The following PTPRE variants were observed in gnomAD, a reference collection of about 807,000 sequenced individuals.
The protein encoded by PTPRE is protein tyrosine phosphatase receptor type E.
Under a neutral mutation model 102.0 loss-of-function variants are expected in PTPRE, and 51 were observed. The ratio of observed to expected loss-of-function variants is 0.50; its 90% CI spans 0.40 to 0.63. The LOEUF is 0.63. PTPRE is among the 30% of genes least tolerant of loss of function. PTPRE has a pLI of 0.00. For missense variants in PTPRE, 752 were observed against 915.1 expected (o/e 0.82, Z 2.30); for synonymous variants, 345 against 348.2 (o/e 0.99, Z 0.10).
chr10:127,910,028 C>T (rs907567550), intron 1 of PTPRE, among the ~76,000 whole-genome samples: 10 of 152,166 alleles, frequency 6.6e-5, no homozygotes, highest in Middle Eastern at 3.2e-3. Context: ...GAAGCTGCCC[C>T]GTATTCCCTT....
intron 3 of PTPRE, among the ~76,000 whole-genome samples, chr10:128,042,267 C>T (rs540598406): frequency 9.8e-5 from 15 of 152,332 alleles, no homozygotes; most frequent in South Asian, 4.1e-4. Flanking sequence ...CATCCGTTTG[C>T]GCAACAGTGG....
intron 1 of PTPRE, among the ~76,000 whole-genome samples, chr10:127,978,085 T>C (rs1356377016): frequency 1.3e-5 from 2 of 152,168 alleles, no homozygotes; most frequent in African/African-American, 4.8e-5. Flanking sequence ...TAATGGAGCA[T>C]CCTCTAGGAC....
chr10:128,075,159 C>T (rs1278499085), intron 17 of PTPRE, among the ~76,000 whole-genome samples: 2 of 152,190 alleles, frequency 1.3e-5, no homozygotes, highest in African/African-American at 4.8e-5. Context: ...CATTCGTCAT[C>T]ATTATTTCAT....
intron 20 of PTPRE, 129 bp downstream of exon 20, chr10:128,079,824 C>T: frequency 3.2e-6 from 4 of 1,240,788 alleles, no homozygotes; most frequent in Non-Finnish European, 4.4e-6. Context: ...AGGAAAAGAG[C>T]CAGCTGCAAT....
chr10:128,024,842 C>T (rs1465236964), intron 2 of PTPRE, among the ~76,000 whole-genome samples: 1 of 152,136 alleles, frequency 6.6e-6, no homozygotes, highest in East Asian at 1.9e-4. Context: ...CACAGGTGTG[C>T]ACTTGGGGCT....
intron 1 of PTPRE, among the ~76,000 whole-genome samples, chr10:127,911,532 A>G (rs1845867437): frequency 6.6e-6 from 1 of 152,192 alleles, no homozygotes; most frequent in Non-Finnish European, 1.5e-5. Context: ...GCTGTGGCCT[A>G]CCCTAGAAAC....
In PTPRE at chr10:128,073,343, C is replaced by T. The variant is rs1449959795; in HGVS notation, c.1471C>T (p.Arg491Ter). The change falls in exon 17 of 21, where the codon CGA (arginine) becomes TGA (stop). Residue 491 changes from arginine to a stop codon, truncating the protein, a stop_gained. Transcript: ENST00000254667. LOFTEE classifies it high-confidence loss of function. The part of the protein sequence containing the change: ...YINASFIDGY[R>*]QKDYFIATQG... ...TCTGCGCCTCCATTTGAAGGGCTAC[C>T]GACAGAAGGACTATTTCATCGCCAC... 6 of 1,613,936 alleles carry T rather than the reference C, an allele frequency of 3.7e-6. No individual in the cohort carries two copies. The highest frequency in any genetic ancestry group is 3.3e-5 in the South Asian group (3 of 91,070).
chr10:128,009,345 C>T (rs1589991599), intron 2 of PTPRE, among the ~76,000 whole-genome samples: 3 of 152,208 alleles, frequency 2.0e-5, no homozygotes, highest in East Asian at 3.8e-4. Flanking sequence ...AAAACATCAA[C>T]GGCAGGTGAG....
chr10:127,960,853 A>G (rs1849750203), intron 1 of PTPRE, among the ~76,000 whole-genome samples: 1 of 151,886 alleles, frequency 6.6e-6, no homozygotes, highest in South Asian at 2.1e-4. Flanking sequence ...CCCCGTCTCT[A>G]CTAAAAATAC....
At chr10:128,055,731 C>T (rs2135904843) in intron 6 of PTPRE, among the ~76,000 whole-genome samples, 1 of 152,346 alleles carries the variant, frequency 6.6e-6, no homozygotes, top group South Asian at 2.1e-4. Context: ...TGTCCTCGCT[C>T]CCCCATCTCC....
chr10:128,080,730 T>A (rs1306417331), intron 20 of PTPRE, among the ~76,000 whole-genome samples: 1 of 152,228 alleles, frequency 6.6e-6, no homozygotes, highest in Non-Finnish European at 1.5e-5. Context: ...GTTGTGTGGC[T>A]GTCATCTGTG....
At chr10:128,079,418 T>C (rs965851670) in intron 19 of PTPRE, 142 bp from the exon 20 acceptor site, 4 of 1,137,358 alleles carry the variant, frequency 3.5e-6, no homozygotes, top group East Asian at 2.5e-5. Context: ...ATACAAATGA[T>C]CAAAAAAAAA....
intron 1 of PTPRE, among the ~76,000 whole-genome samples, chr10:127,951,840 T>G (rs1564822516): frequency 6.6e-6 from 1 of 152,216 alleles, no homozygotes. Flanking sequence ...CTCTCCTATT[T>G]GGCCTGTGCA....
chr10:128,028,883 T>C lies in PTPRE; in HGVS notation c.-7-11992T>C, dbSNP rs1590063803. On this transcript the variant is annotated intron_variant, in intron 2 of 20. Coordinates refer to ENST00000254667, the MANE Select transcript of PTPRE (RefSeq NM_006504.6). This position sits in a 1 kb window ranked among gnomAD's most constrained non-coding sequence, Gnocchi z 4.5. ...GACGTCTGGCCCTCGTCCCGAATGC[T>C]GTCCCCTCTGGCCTCAGCTGTCCTC... Among the ~76,000 whole-genome samples the C allele has an allele frequency of 6.6e-6, 1 of 152,150 alleles. No individual in the cohort carries two copies. The highest frequency in any genetic ancestry group is 2.1e-4 in the South Asian group (1 of 4,832).
chr10:128,024,170 T>C (rs1846129078), intron 2 of PTPRE, among the ~76,000 whole-genome samples: 1 of 152,246 alleles, frequency 6.6e-6, no homozygotes, highest in South Asian at 2.1e-4. Context: ...CGAAGAGTTA[T>C]CACTTTAAGG....
rs755900514 is a variant in PTPRE, at chr10:128,049,594, C to T, written c.348C>T (p.Pro116=). 38 of 1,613,910 alleles carry T rather than the reference C, an allele frequency of 2.4e-5. No individual in the cohort carries two copies. In the Middle Eastern group the frequency reaches 4.9e-4, roughly 21 times the overall value. ...GGCCCAAGAAGTATTTTCCCATCCC[C>T]GTGGAGCACCTGGAGGAGGAGATCC... ...PSGPKKYFPI[P]VEHLEEEIRI... is the part of the protein sequence containing the mutation. Residue 116 remains proline, a synonymous_variant, in exon 6 of 21, where the codon CCC becomes CCT. Coordinates refer to ENST00000254667, the MANE Select transcript of PTPRE (RefSeq NM_006504.6).
At position 128,068,104 on chromosome 10, in the gene PTPRE, C is replaced by G; in HGVS notation, c.844-19C>G. 1 of 1,603,672 alleles carries G rather than the reference C, an allele frequency of 6.2e-7. No homozygotes were observed. ...GGAGGATTGTTTCACCCACTCTTGT[C>G]TCCCCGCGTCCCCCGCAGCAGCTCC... On this transcript the variant is annotated intron_variant, in intron 11 of 20. Transcript: ENST00000254667.
At chr10:127,909,735 G>A (rs142500973) in intron 1 of PTPRE, among the ~76,000 whole-genome samples, 1 of 152,348 alleles carries the variant, frequency 6.6e-6, no homozygotes, top group Non-Finnish European at 1.5e-5. Context: ...TACCAGTGGA[G>A]CCTTGAGGAC....
intron 3 of PTPRE, among the ~76,000 whole-genome samples, chr10:128,042,714 A>T (rs1847806961): frequency 6.6e-6 from 1 of 152,230 alleles, no homozygotes. Context: ...AGTGTGCCAA[A>T]ATAATAGGAA....
Sources: gnomAD v4.1 joint callset for allele counts (sites outside exome capture counted in the v4.1 genomes callset) on GRCh38, gnomAD v4.1.1 for gene constraint, Gnocchi (gnomAD v3.1) non-coding constraint, MANE v1.5 for transcripts, NCBI Gene and HGNC (gene_info 2026-07-23, HGNC 2026-07-21) for gene names.